Variants in TAMM41 observed in about 807,000 individuals in gnomAD.
TAMM41 encodes the protein phosphatidate cytidylyltransferase, mitochondrial.
Under a neutral mutation model 44.1 loss-of-function variants are expected in TAMM41, and 36 were observed. That is an observed-to-expected ratio of 0.82 (90% confidence interval 0.63 to 1.08). TAMM41 has a LOEUF of 1.08. Ranked by LOEUF, TAMM41 falls within the 50% of genes least tolerant of loss-of-function variation. The pLI is 0.00. For synonymous variants in TAMM41, 164 were observed against 153.1 expected, an observed-to-expected ratio of 1.07 and a Z score of -0.53; for missense variants, 417 against 404.3, an observed-to-expected ratio of 1.03 and a Z score of -0.27.
the TAMM41 span, among the ~76,000 whole-genome samples, chr3:11,735,403 G>A: frequency 1.3e-5 from 2 of 151,906 alleles, no homozygotes; most frequent in African/African-American, 2.4e-5. Context: ...ATGGGCTGAG[G>A]CAGGCAGATC....
At chr3:11,790,363 G>T, downstream of TAMM41, 1 of 765,960 alleles carries the variant, frequency 1.3e-6, no homozygotes, top group Non-Finnish European at 2.2e-6. Flanking sequence ...AATGTCTGAT[G>T]CATACATTTA....
intron 3 of TAMM41, among the ~76,000 whole-genome samples, chr3:11,833,899 T>C (rs1013639322): frequency 1.3e-5 from 2 of 152,198 alleles, no homozygotes; most frequent in African/African-American, 4.8e-5. Flanking sequence ...AATTGTACTC[T>C]TTAAATGGTT....
intron 6 of TAMM41, chr3:11,808,478 G>C: frequency 2.0e-6 from 2 of 986,108 alleles, no homozygotes; most frequent in Non-Finnish European, 2.4e-6. Flanking sequence ...CAGGAGGAGA[G>C]TGGGCGTGGA....
At chr3:11,770,781 G>A in the TAMM41 span, among the ~76,000 whole-genome samples, 1 of 152,180 alleles carries the variant, frequency 6.6e-6, no homozygotes, top group Non-Finnish European at 1.5e-5. Flanking sequence ...AAGCATGGGG[G>A]CAGGGGAGGC....
the TAMM41 span, among the ~76,000 whole-genome samples, chr3:11,762,157 C>G: frequency 1.3e-5 from 2 of 152,008 alleles, no homozygotes; most frequent in African/African-American, 2.4e-5. Context: ...TGTTACTACT[C>G]CGCAGAAATA....
At chr3:11,723,668 C>T in the TAMM41 span, among the ~76,000 whole-genome samples, 6 of 150,612 alleles carry the variant, frequency 4.0e-5, no homozygotes, top group African/African-American at 1.5e-4. Flanking sequence ...CTGAACTAAA[C>T]ACTTCAAAAT....
intron 7 of TAMM41, among the ~76,000 whole-genome samples, chr3:11,804,297 T>C (rs778699953): frequency 3.3e-4 from 50 of 152,136 alleles, no homozygotes; most frequent in Non-Finnish European, 4.0e-4. Flanking sequence ...CAAACTTAAA[T>C]AACAGACAGA....
intron 4 of TAMM41, among the ~76,000 whole-genome samples, chr3:11,827,042 T>C (rs764259408): frequency 1.2e-4 from 18 of 152,220 alleles, no homozygotes; most frequent in Admixed American, 1.3e-4. Flanking sequence ...AGTCTACCAC[T>C]GACTCACTGT....
chr3:11,739,308 A>C, the TAMM41 span, among the ~76,000 whole-genome samples: 319 of 151,358 alleles, frequency 2.1e-3, 2 homozygotes, highest in African/African-American at 7.3e-3. Context: ...ATCCATATCC[A>C]CTCTCCCCTT....
At chr3:11,822,797 T>A (rs2078576130) in intron 4 of TAMM41, among the ~76,000 whole-genome samples, 1 of 152,212 alleles carries the variant, frequency 6.6e-6, no homozygotes, top group Non-Finnish European at 1.5e-5. Flanking sequence ...TTGATGAACA[T>A]TTGTGCTGTT....
chr3:11,794,305 T>C (rs569382572), intron 7 of TAMM41, among the ~76,000 whole-genome samples: 96 of 152,112 alleles, frequency 6.3e-4, no homozygotes, highest in Non-Finnish European at 9.9e-4. Flanking sequence ...CCCGGCTAAT[T>C]TTATTTTATT....
At chr3:11,732,414 G>GT in the TAMM41 span, among the ~76,000 whole-genome samples, 10 of 152,038 alleles carry the variant, frequency 6.6e-5, no homozygotes, top group Non-Finnish European at 1.2e-4. Context: ...ACAACTGTCA[G>GT]TAAGACAAGC....
At chr3:11,792,375 A>G (rs1049462208) in intron 7 of TAMM41, among the ~76,000 whole-genome samples, 1 of 152,166 alleles carries the variant, frequency 6.6e-6, no homozygotes, top group African/African-American at 2.4e-5. Context: ...CTGGGCCTCA[A>G]TTTCCTTATC....
chr3:11,823,239 TTTG>T (rs1230789007), intron 4 of TAMM41, among the ~76,000 whole-genome samples: 17 of 149,894 alleles, frequency 1.1e-4, no homozygotes, highest in Middle Eastern at 3.4e-3. Context: ...TTTTCATTGT[TTTG>T]TTGTTGTTGT....
the TAMM41 span, among the ~76,000 whole-genome samples, chr3:11,777,653 G>C: frequency 1.1e-4 from 17 of 152,250 alleles, no homozygotes; most frequent in African/African-American, 3.4e-4. Flanking sequence ...AATTAGCCGG[G>C]TGTGGCAGTG....
chr3:11,773,501 G>A, the TAMM41 span, among the ~76,000 whole-genome samples: 8 of 152,016 alleles, frequency 5.3e-5, no homozygotes, highest in African/African-American at 1.2e-4. Context: ...GATTACAGGC[G>A]TGAGCCACCG....
Position 11,807,897 on chromosome 3 carries a change from T to C in TAMM41, c.875-2A>G, listed in dbSNP as rs1392090491. The C allele has an allele frequency of 2.6e-6, 4 of 1,509,688 alleles. No homozygotes were observed. Among genetic ancestry groups the C allele is most frequent in the Non-Finnish European group, 3.5e-6 (4 of 1,135,208 alleles). 93.5% of individuals were successfully genotyped at this position (1,509,688 alleles called of 1,614,324 possible). ...ACGGTCTCACGATTGCTGAAAGCCC[T>C]GCGAGAAAAAAACCAAAAAGGAGAC... is the stretch of plus-strand genomic sequence containing the variant. On this transcript the variant is annotated splice_acceptor_variant, in intron 6 of 7. Transcript: ENST00000455809. LOFTEE classifies it high-confidence loss of function.
intron 7 of TAMM41, among the ~76,000 whole-genome samples, chr3:11,795,891 CTAAA>C (rs2077593586): frequency 6.6e-6 from 1 of 152,140 alleles, no homozygotes; most frequent in Non-Finnish European, 1.5e-5. Context: ...TTTTAGGAGG[CTAAA>C]TAGTCTTTTG....
At chr3:11,784,578 G>A in the TAMM41 span, among the ~76,000 whole-genome samples, 3 of 152,114 alleles carry the variant, frequency 2.0e-5, no homozygotes, top group Admixed American at 6.5e-5. Context: ...ACATACTCAC[G>A]GACAGGCACA....
Sources: allele counts gnomAD v4.1 joint callset (sites outside exome capture counted in the v4.1 genomes callset), GRCh38; gene constraint gnomAD v4.1.1; transcripts MANE v1.5; gene names NCBI Gene and HGNC (gene_info 2026-07-23, HGNC 2026-07-21).